The following RIGI variants were observed in gnomAD, a reference collection of about 807,000 sequenced individuals.
RIGI encodes the protein antiviral innate immune response receptor RIG-I.
At chr9:32,467,511 T>G in the RIGI span, among the ~76,000 whole-genome samples, 2 of 152,150 alleles carry the variant, frequency 1.3e-5, no homozygotes, top group African/African-American at 4.8e-5. Flanking sequence ...CAATCCAAGT[T>G]GGAATTATTC....
chr9:32,506,200 A>C, the RIGI span, among the ~76,000 whole-genome samples: 1 of 152,254 alleles, frequency 6.6e-6, no homozygotes, highest in African/African-American at 2.4e-5. Context: ...CATAGGCAAC[A>C]GAGTGAGACT....
the RIGI span, among the ~76,000 whole-genome samples, chr9:32,520,868 G>A: frequency 1.1e-4 from 16 of 150,514 alleles, no homozygotes; most frequent in South Asian, 4.2e-4. Flanking sequence ...GACTCAGGCC[G>A]GGTGTGGTGG....
the RIGI span, among the ~76,000 whole-genome samples, chr9:32,510,109 TTGA>T: frequency 1.3e-5 from 2 of 152,066 alleles, no homozygotes; most frequent in African/African-American, 2.4e-5. Flanking sequence ...AAACCTATGT[TTGA>T]TTGGTGTACC....
At chr9:32,506,148 G>A in the RIGI span, among the ~76,000 whole-genome samples, 1 of 152,178 alleles carries the variant, frequency 6.6e-6, no homozygotes, top group Non-Finnish European at 1.5e-5. Flanking sequence ...AACCTGGGAG[G>A]TGGAGATTGC....
the RIGI span, among the ~76,000 whole-genome samples, chr9:32,501,978 A>G: frequency 6.6e-6 from 1 of 152,172 alleles, no homozygotes; most frequent in African/African-American, 2.4e-5. Flanking sequence ...GTACATTTTC[A>G]TCACTATAAA....
chr9:32,457,158 C>T, the RIGI span: 2 of 1,613,918 alleles, frequency 1.2e-6, no homozygotes, highest in Non-Finnish European at 1.7e-6. Flanking sequence ...ATGGTATCTT[C>T]TCAAAATGAA....
At chr9:32,494,513 A>G in the RIGI span, among the ~76,000 whole-genome samples, 2 of 152,224 alleles carry the variant, frequency 1.3e-5, no homozygotes, top group Non-Finnish European at 2.9e-5. Flanking sequence ...TAAGATGTTC[A>G]ACCTCATTCT....
At chr9:32,465,228 G>C in the RIGI span, among the ~76,000 whole-genome samples, 103 of 152,286 alleles carry the variant, frequency 6.8e-4, no homozygotes, top group African/African-American at 2.4e-3. Flanking sequence ...ATGTGGAAGA[G>C]GTGGTTCTAG....
chr9:32,488,352 A>C, the RIGI span: 1 of 764,730 alleles, frequency 1.3e-6, no homozygotes, highest in Non-Finnish European at 2.1e-6. Context: ...ACAGAGCCTG[A>C]CACATAGTAA....
chr9:32,524,596 G>GTTTTTTTTTTTTT, the RIGI span, among the ~76,000 whole-genome samples: 38 of 67,568 alleles, frequency 5.6e-4, 4 homozygotes, highest in Non-Finnish European at 6.9e-4. Context: ...TTGTTTTTCG[G>GTTTTTTTTTTTTT]TTTTTTTTTT....
the RIGI span, among the ~76,000 whole-genome samples, chr9:32,517,379 C>T: frequency 6.6e-6 from 1 of 152,142 alleles, no homozygotes. Context: ...TGTGTGTATA[C>T]ATGTTTAGAT....
chr9:32,509,230 A>G, the RIGI span, among the ~76,000 whole-genome samples: 16 of 152,246 alleles, frequency 1.1e-4, no homozygotes, highest in Non-Finnish European at 2.2e-4. Flanking sequence ...CAGATCTCCC[A>G]GCACAGTGCT....
At chr9:32,487,367 T>C in the RIGI span, 2 of 1,151,802 alleles carry the variant, frequency 1.7e-6, no homozygotes, top group African/African-American at 3.1e-5. Flanking sequence ...TATTTTCTAC[T>C]AAACAGAGAG....
chr9:32,471,694 G>A, the RIGI span, among the ~76,000 whole-genome samples: 1 of 152,160 alleles, frequency 6.6e-6, no homozygotes. Context: ...TTGAATGAAC[G>A]GATGAATAAA....
chr9:32,496,512 T>C, the RIGI span, among the ~76,000 whole-genome samples: 1 of 152,176 alleles, frequency 6.6e-6, no homozygotes, highest in Non-Finnish European at 1.5e-5. Context: ...ATCATTTCTT[T>C]TGCCCTTGGA....
chr9:32,513,898 T>C, the RIGI span, among the ~76,000 whole-genome samples: 36 of 152,054 alleles, frequency 2.4e-4, no homozygotes, highest in East Asian at 5.4e-3. Flanking sequence ...AACAACCCCA[T>C]CAAAAAGTGG....
the RIGI span, among the ~76,000 whole-genome samples, chr9:32,485,874 C>T: frequency 0.038 from 5,812 of 152,162 alleles, 357 homozygotes; most frequent in African/African-American, 0.13. Context: ...CTGTTACCTC[C>T]TCTCTGATGA....
the RIGI span, among the ~76,000 whole-genome samples, chr9:32,494,733 C>G: frequency 6.6e-6 from 1 of 152,150 alleles, no homozygotes; most frequent in Non-Finnish European, 1.5e-5. Context: ...TTCTATGAAT[C>G]TGACTACTTT....
chr9:32,467,741 T>C, the RIGI span: 1 of 1,547,930 alleles, frequency 6.5e-7, no homozygotes, highest in East Asian at 2.3e-5. Context: ...CATGTAGGAA[T>C]GGCCTCAAAG....
Sources: allele counts gnomAD v4.1 joint callset (sites outside exome capture counted in the v4.1 genomes callset), GRCh38; gene constraint gnomAD v4.1.1; transcripts MANE v1.5; gene names NCBI Gene and HGNC (gene_info 2026-07-23, HGNC 2026-07-21).